Variants in PCDH11Y observed in about 807,000 individuals in gnomAD.
PCDH11Y encodes the protein protocadherin 11 Y-linked, also known as protocadherin-11 Y-linked.
For synonymous variants in PCDH11Y, 9 were observed against 83.6 expected (o/e 0.11, Z 4.87); for missense variants, 12 against 224.8 (o/e 0.05, Z 6.05).
chrY:5,331,864 G>A (rs2053131688), intron 2 of PCDH11Y, among the ~76,000 whole-genome samples: 1 of 33,892 alleles, frequency 3.0e-5, no homozygotes, highest in Non-Finnish European at 7.3e-5. Flanking sequence ...TAAACTGATT[G>A]AGACCTGTCT....
intron 2 of PCDH11Y, among the ~76,000 whole-genome samples, chrY:5,484,553 C>G: frequency 9.1e-5 from 3 of 33,102 alleles, no homozygotes; most frequent in Non-Finnish European, 2.2e-4. Context: ...TACGTTGATA[C>G]TAGGAGATAA....
At chrY:5,493,523 C>T (rs2053340951) in intron 2 of PCDH11Y, among the ~76,000 whole-genome samples, 1 of 32,602 alleles carries the variant, frequency 3.1e-5, no homozygotes, top group African/African-American at 1.2e-4. Flanking sequence ...AAGTCTATTT[C>T]ATCACTGACA....
At chrY:5,325,468 A>G (rs2053118210) in intron 2 of PCDH11Y, among the ~76,000 whole-genome samples, 1 of 32,385 alleles carries the variant, frequency 3.1e-5, no homozygotes, top group Admixed American at 2.9e-4. Flanking sequence ...GTATAGAATG[A>G]TTGGTGATGG....
At chrY:5,672,903 A>G in intron 4 of PCDH11Y, among the ~76,000 whole-genome samples, 1 of 30,886 alleles carries the variant, frequency 3.2e-5, no homozygotes, top group Non-Finnish European at 7.9e-5. Flanking sequence ...AAATATAGCT[A>G]TAAACTTTCT....
intron 1 of PCDH11Y, among the ~76,000 whole-genome samples, chrY:5,027,329 C>T: frequency 3.5e-5 from 1 of 28,368 alleles, no homozygotes. Context: ...GAATGCTTAC[C>T]CACCTCAAAT....
In PCDH11Y at chrY:5,307,374, CAT is replaced by C. The variant is rs1569476677; in HGVS notation, c.3130-193680_3130-193679del. On this transcript the variant is annotated intron_variant, in intron 2 of 4. Transcript: ENST00000400457. ...TCAGGTTGAAAATAGCTGGAAAAAA[CAT>C]ATTTTCACAACAAGTGGCTTCTCTT... 2.3e-3 allele frequency among the ~76,000 whole-genome samples: 77 copies of C among 33,432 alleles called. No homozygotes were observed. The East Asian group carries it at 0.05, about 22-fold the overall frequency. The allele number at this position is 33,432 out of a possible 37,273, so 89.7% of individuals were successfully genotyped here.
chrY:5,423,655 T>C, intron 2 of PCDH11Y, among the ~76,000 whole-genome samples: 2 of 33,473 alleles, frequency 6.0e-5, no homozygotes, highest in African/African-American at 1.2e-4. Flanking sequence ...GAAATCATTA[T>C]GCTAAGTGAA....
intron 3 of PCDH11Y, among the ~76,000 whole-genome samples, chrY:5,547,585 A>G: frequency 3.0e-5 from 1 of 32,979 alleles, no homozygotes; most frequent in Admixed American, 2.8e-4. Context: ...AATTAAATTT[A>G]TAGGGTAAAG....
intron 4 of PCDH11Y, among the ~76,000 whole-genome samples, chrY:5,674,144 A>T: frequency 3.0e-5 from 1 of 32,828 alleles, no homozygotes; most frequent in Admixed American, 2.8e-4. Flanking sequence ...AGCCCTCCAA[A>T]GCCTCTCAGT....
At chrY:5,475,847 A>G in intron 2 of PCDH11Y, among the ~76,000 whole-genome samples, 1 of 31,778 alleles carries the variant, frequency 3.1e-5, no homozygotes, top group Non-Finnish European at 7.6e-5. Context: ...ACAAATCTGT[A>G]CAGCATGTTA....
intron 2 of PCDH11Y, among the ~76,000 whole-genome samples, chrY:5,215,898 T>C: frequency 4.3e-5 from 1 of 23,210 alleles, no homozygotes; most frequent in African/African-American, 1.6e-4. Context: ...GAACAGGCTT[T>C]TGTTAAGACT....
At chrY:5,408,046 A>C (rs2053242453) in intron 2 of PCDH11Y, among the ~76,000 whole-genome samples, 1 of 32,933 alleles carries the variant, frequency 3.0e-5, no homozygotes, top group Non-Finnish European at 7.5e-5. Context: ...GCTTTTCCCA[A>C]ATTGAAGGAC....
intron 2 of PCDH11Y, among the ~76,000 whole-genome samples, chrY:5,326,502 T>C (rs2053120662): frequency 3.0e-5 from 1 of 32,968 alleles, no homozygotes; most frequent in Non-Finnish European, 7.4e-5. Flanking sequence ...AGCCTGACTT[T>C]GCTGGTATGT....
intron 4 of PCDH11Y, among the ~76,000 whole-genome samples, chrY:5,630,702 T>C (rs2124703670): frequency 3.0e-5 from 1 of 33,468 alleles, no homozygotes; most frequent in South Asian, 6.5e-4. Flanking sequence ...CTAAGTGCCA[T>C]GCCTGTCACA....
chrY:5,099,364 A>G (rs372001722), exon 2 of PCDH11Y: 1 of 397,030 alleles, frequency 2.5e-6, no homozygotes, highest in Non-Finnish European at 3.5e-6. Flanking sequence ...TATTGATCAG[A>G]ATGACAATAG....
At chrY:5,057,901 A>G in intron 1 of PCDH11Y, among the ~76,000 whole-genome samples, 1 of 31,355 alleles carries the variant, frequency 3.2e-5, no homozygotes, top group Non-Finnish European at 7.8e-5. Context: ...ATGGTGCCAA[A>G]TAAATCTATT....
chrY:5,666,587 T>A, intron 4 of PCDH11Y, among the ~76,000 whole-genome samples: 1 of 33,495 alleles, frequency 3.0e-5, no homozygotes, highest in Non-Finnish European at 7.4e-5. Flanking sequence ...AAATGTTGCT[T>A]ACTTAAGGTA....
chrY:5,531,461 A>G (rs1602938864), intron 3 of PCDH11Y, among the ~76,000 whole-genome samples: 25 of 32,911 alleles, frequency 7.6e-4, no homozygotes, highest in African/African-American at 2.9e-3. Flanking sequence ...ATAAAATATA[A>G]ACGGCCAGGT....
chrY:5,531,075 A>AT (rs2053392909), intron 3 of PCDH11Y, among the ~76,000 whole-genome samples: 1 of 28,600 alleles, frequency 3.5e-5, no homozygotes, highest in African/African-American at 1.4e-4. Flanking sequence ...CTCCTAGCAG[A>AT]TTGGTTTAAT....
Sources: allele counts gnomAD v4.1 joint callset (sites outside exome capture counted in the v4.1 genomes callset), GRCh38; gene constraint gnomAD v4.1.1; transcripts MANE v1.5; gene names NCBI Gene and HGNC (gene_info 2026-07-23, HGNC 2026-07-21).